Variants in KIAA1755 observed in about 807,000 individuals in gnomAD.
KIAA1755 encodes uncharacterized protein KIAA1755.
KIAA1755 carries 68 observed loss-of-function variants against 91.7 expected under a neutral mutation model. The observed-to-expected ratio is 0.74, with a 90% CI of 0.61 to 0.91. The LOEUF (loss-of-function observed/expected upper bound fraction) is 0.91, where lower values mean the gene tolerates loss of function less well. Ranked by LOEUF, KIAA1755 falls within the 40% of genes least tolerant of loss-of-function variation. The probability of loss-of-function intolerance (pLI) is 0.00; values close to 1 mark genes in which losing one functional copy is unlikely to be tolerated. For synonymous variants in KIAA1755, 610 were observed against 604.6 expected, an observed-to-expected ratio of 1.01 and a Z score of -0.13; for missense variants, 1,535 against 1,494.4, an observed-to-expected ratio of 1.03 and a Z score of -0.45.
chr20:38,222,418 G>A, intron 10 of KIAA1755, 31 bp downstream of exon 10: 2 of 1,602,788 alleles, frequency 1.2e-6, no homozygotes, highest in Non-Finnish European at 1.7e-6. Flanking sequence ...AACAGGATGG[G>A]GTGGAAGAGG....
At chr20:38,214,875 G>A (rs1467743402) in intron 13 of KIAA1755, among the ~76,000 whole-genome samples, 2 of 152,240 alleles carry the variant, frequency 1.3e-5, no homozygotes, top group Admixed American at 6.5e-5. Context: ...TAGGCTGTAG[G>A]GATTGGAGAA....
At chr20:38,216,973 T>C (rs972961298) in intron 13 of KIAA1755, 7 of 666,018 alleles carry the variant, frequency 1.1e-5, no homozygotes, top group Non-Finnish European at 1.9e-5. Context: ...ATCTCAGCTC[T>C]TCCCCTTCCT....
Position 38,224,733 on chromosome 20 carries a change from G to A in KIAA1755, c.2169+932C>T, listed in dbSNP as rs142313375. 1.6e-4 allele frequency among the ~76,000 whole-genome samples: 24 copies of A among 152,304 alleles called. No homozygotes were observed. The East Asian group carries it at 3.9e-3, about 24-fold the overall frequency. On this transcript the variant is annotated intron_variant, in intron 8 of 13. Coordinates refer to ENST00000279024, the MANE Select transcript of KIAA1755 (RefSeq NM_001029864.2). ...AGCAACCCTGGTCTAGAGAGGACCC[G>A]GGGCGGGCATTGATGGGCATCGGTT...
chr20:38,240,783 G>C lies in KIAA1755; in HGVS notation c.1348C>G (p.Leu450Val), dbSNP rs766684193. The C allele has an allele frequency of 6.2e-7, 1 of 1,607,068 alleles. No individual in the cohort carries two copies. The highest frequency in any genetic ancestry group is 8.5e-7 in the Non-Finnish European group (1 of 1,176,414). ...EVKTKERNGR[L>V]PKPMPCPSRN... ...CTAGGGCAGGGCATGGGCTTGGGAA[G>C]TCTCCCATTTCTCTCTTTGGTCTTC... The change falls in exon 3 of 14, where the codon CTT (leucine) becomes GTT (valine). Residue 450 changes from leucine (L) to valine (V), a missense_variant. Physicochemically the swap from Leu to Val is conservative, Grantham distance 32 (BLOSUM62 1). Transcript: ENST00000279024.
rs989497630 is a variant in KIAA1755 at position 38,211,621 on chromosome 20, G to A, written c.*1421C>T. On this transcript the variant is annotated 3_prime_UTR_variant, in exon 14 of 14. Coordinates refer to ENST00000279024, the MANE Select transcript of KIAA1755 (RefSeq NM_001029864.2). ...GAGAAGTGGAAGTTGGGCAGGGAAGGGGACAGAAGACATTGAGTTCAGGGA... is the reference window on the plus strand; with the variant it reads ...GAGAAGTGGAAGTTGGGCAGGGAAGAGGACAGAAGACATTGAGTTCAGGGA... The A allele has an allele frequency of 4.6e-5, 7 of 152,372 alleles. No homozygotes were observed. The highest frequency in any genetic ancestry group is 6.5e-5 in the Admixed American group (1 of 15,282). 9.4% of individuals were successfully genotyped at this position (152,372 alleles called of 1,614,324 possible). A position where few individuals can be genotyped will look rare whatever the true frequency, so the allele number is the denominator to read the frequency against.
At chr20:38,218,215 G>A (rs1490111282) in intron 12 of KIAA1755, 29 bp downstream of exon 12, 7 of 1,613,710 alleles carry the variant, frequency 4.3e-6, no homozygotes, top group Non-Finnish European at 5.9e-6. Flanking sequence ...ATCTGCTCCA[G>A]TCCTGCTCCT....
chr20:38,211,671 G>A lies in KIAA1755; in HGVS notation c.*1371C>T, dbSNP rs2075452599. ...AGGCTTGGTGGGGAGGTGAGAGAGA[G>A]GAGGGACCTCTAAGGCGGAGAGGAT... is the stretch of plus-strand genomic sequence containing the variant. On this transcript the variant is annotated 3_prime_UTR_variant, in exon 14 of 14. Transcript: ENST00000279024. The A allele has an allele frequency of 6.6e-6, 1 of 152,306 alleles. No homozygotes were observed. The highest frequency in any genetic ancestry group is 1.5e-5 in the Non-Finnish European group (1 of 68,132). The allele number at this position is 152,306 out of a possible 1,614,324, so 9.4% of individuals were successfully genotyped here. A position where few individuals can be genotyped will look rare whatever the true frequency, so the allele number is the denominator to read the frequency against.
chr20:38,257,543 T>G (rs928522378), intron 1 of KIAA1755, among the ~76,000 whole-genome samples: 1 of 142,788 alleles, frequency 7.0e-6, no homozygotes, highest in Non-Finnish European at 1.5e-5. Context: ...ACAGTCCCAC[T>G]GCACTACAGC....
intron 4 of KIAA1755, among the ~76,000 whole-genome samples, chr20:38,237,904 G>A (rs748221200): frequency 5.3e-5 from 8 of 152,136 alleles, no homozygotes; most frequent in South Asian, 2.1e-4. Flanking sequence ...GAAGGAGCAC[G>A]CATGTGGACG....
At position 38,217,392 on chromosome 20, in the gene KIAA1755, C is replaced by A. The variant is rs760553122; in HGVS notation, c.2762G>T (p.Arg921Leu). 20 of 1,613,290 alleles carry A rather than the reference C, an allele frequency of 1.2e-5. No individual in the cohort carries two copies. The Middle Eastern group carries it at 4.9e-4, about 40-fold the overall frequency. The change falls in exon 13 of 14, where the codon CGT becomes CTT. Residue 921 changes from arginine (R) to leucine (L), a missense_variant. Physicochemically the swap from Arg to Leu is moderately radical, Grantham distance 102 (BLOSUM62 -2). Transcript: ENST00000279024. ...ATARGAGEAERAEFPELAAFA... is the reference protein window; with the variant it reads ...ATARGAGEAELAEFPELAAFA... ...GGCTGCCAGCTCTGGGAACTCTGCA[C>A]GTTCTGCCTCCCCAGCCCCTCTGGC...
intron 1 of KIAA1755, among the ~76,000 whole-genome samples, chr20:38,253,531 C>G (rs1042253914): frequency 6.6e-6 from 1 of 152,166 alleles, no homozygotes; most frequent in Non-Finnish European, 1.5e-5. Flanking sequence ...AGCCAACTCT[C>G]CCACCCCTGA....
chr20:38,235,317 C>T (rs962364052), intron 4 of KIAA1755, among the ~76,000 whole-genome samples: 1 of 152,046 alleles, frequency 6.6e-6, no homozygotes, highest in Non-Finnish European at 1.5e-5. Context: ...TCTCCTAAGG[C>T]TTCGTGCCTG....
chr20:38,237,490 G>T (rs551087298), intron 4 of KIAA1755, among the ~76,000 whole-genome samples: 1 of 152,216 alleles, frequency 6.6e-6, no homozygotes, highest in South Asian at 2.1e-4. Context: ...GCGAGTGAGT[G>T]TTTGAAAGGA....
chr20:38,259,451 GTGTA>G (rs937034837), intron 1 of KIAA1755, among the ~76,000 whole-genome samples: 20 of 148,748 alleles, frequency 1.3e-4, no homozygotes, highest in African/African-American at 4.2e-4. Context: ...GTGCGTGCAT[GTGTA>G]TGTGTGTGTG....
chr20:38,226,491 C>T (rs1196028129), intron 7 of KIAA1755, among the ~76,000 whole-genome samples: 2 of 152,162 alleles, frequency 1.3e-5, no homozygotes, highest in African/African-American at 4.8e-5. Flanking sequence ...TAATGTATTT[C>T]CCCAAGAGAT....
chr20:38,248,364 G>A lies in KIAA1755; in HGVS notation c.4-2238C>T, dbSNP rs117783556. 1.5e-3 allele frequency among the ~76,000 whole-genome samples: 227 copies of A among 152,318 alleles called. 4 individuals carry two copies. In the East Asian group the frequency reaches 0.038, roughly 26 times the overall value. On this transcript the variant is annotated intron_variant, in intron 1 of 13. Transcript: ENST00000279024. Reference sequence around the variant, plus strand: ...AGAAGCTGGAGAAGGCAAGCAAATGGATTCTCCCCTAGAGCCTCCAGAAGA... The same window carrying A: ...AGAAGCTGGAGAAGGCAAGCAAATGAATTCTCCCCTAGAGCCTCCAGAAGA...
rs370976438 is a variant in KIAA1755 at position 38,228,170 on chromosome 20, C to G, written c.1942G>C (p.Val648Leu). Residue 648 changes from valine (V) to leucine (L), a missense_variant, in exon 6 of 14, where the codon GTC (valine) becomes CTC (leucine). By Grantham distance (32) the Val-to-Leu change is conservative (BLOSUM62 1). Transcript: ENST00000279024. ...ARRQPPQPGL[V>L]SALQATQAQV... ...ACCTGGGTGGCCTGCAGGGCGCTGACCAGACCGGGCTGTGGGGGCTGTCTC... is the reference window on the plus strand; with the variant it reads ...ACCTGGGTGGCCTGCAGGGCGCTGAGCAGACCGGGCTGTGGGGGCTGTCTC... The G allele has an allele frequency of 5.0e-6, 8 of 1,605,276 alleles. No individual in the cohort carries two copies. The highest frequency in any genetic ancestry group is 4.5e-5 in the South Asian group (4 of 88,634).
chr20:38,256,277 T>G (rs1281665803), intron 1 of KIAA1755, among the ~76,000 whole-genome samples: 1 of 152,172 alleles, frequency 6.6e-6, no homozygotes, highest in Non-Finnish European at 1.5e-5. Context: ...CCCTATTGCC[T>G]TAGCAACTCA....
chr20:38,257,607 A>C (rs1321335308), intron 1 of KIAA1755, among the ~76,000 whole-genome samples: 2 of 151,158 alleles, frequency 1.3e-5, no homozygotes, highest in Non-Finnish European at 2.9e-5. Context: ...AAAAACCTGA[A>C]CGTGACCAGT....
Sources: allele counts gnomAD v4.1 joint callset (sites outside exome capture counted in the v4.1 genomes callset), GRCh38; gene constraint gnomAD v4.1.1; transcripts MANE v1.5; gene names NCBI Gene and HGNC (gene_info 2026-07-23, HGNC 2026-07-21).